Variants in PCDH15 observed in about 807,000 individuals in gnomAD.
PCDH15 encodes the protein protocadherin related 15, also known as protocadherin-15.
A neutral mutation model predicts 178.5 loss-of-function variants in PCDH15; 129 were observed. The observed-to-expected ratio is 0.72, with a 90% confidence interval of 0.63 to 0.84. The LOEUF is 0.84. Ranked by LOEUF, PCDH15 falls within the 40% of genes least tolerant of loss-of-function variation. PCDH15 has a pLI of 0.00. For synonymous variants in PCDH15, 800 were observed against 732.0 expected (o/e 1.09, Z -1.50); for missense variants, 2,230 against 2,099.9 (o/e 1.06, Z -1.21).
chr10:53,959,334 A>G (rs1360160352), intron 23 of PCDH15, among the ~76,000 whole-genome samples: 1 of 151,314 alleles, frequency 6.6e-6, no homozygotes, highest in Non-Finnish European at 1.5e-5. Context: ...ACACATACAC[A>G]CTGATTAGAT....
chr10:54,421,692 A>ATATATATATATATATG (rs1955378383), intron 3 of PCDH15, among the ~76,000 whole-genome samples: 3 of 113,662 alleles, frequency 2.6e-5, no homozygotes, highest in Non-Finnish European at 4.9e-5. Flanking sequence ...ATATATATAT[A>ATATATATATATATATG]TACACACACA....
chr10:55,456,733 G>C (rs1317609012), intron 2 of PCDH15, among the ~76,000 whole-genome samples: 2 of 151,894 alleles, frequency 1.3e-5, no homozygotes, highest in Non-Finnish European at 2.9e-5. Flanking sequence ...GCCAATGAGA[G>C]TCTAAATTGA....
intron 1 of PCDH15, among the ~76,000 whole-genome samples, chr10:55,217,010 T>C (rs1840722701): frequency 6.6e-6 from 1 of 151,944 alleles, no homozygotes; most frequent in Non-Finnish European, 1.5e-5. Context: ...GTTTGGTATT[T>C]TGGCATATGA....
At chr10:54,974,665 T>C (rs1001458721) in intron 2 of PCDH15, among the ~76,000 whole-genome samples, 5 of 152,076 alleles carry the variant, frequency 3.3e-5, no homozygotes, top group African/African-American at 4.8e-5. Flanking sequence ...AAAATAAATA[T>C]ATATTTCCAT....
intron 15 of PCDH15, among the ~76,000 whole-genome samples, chr10:54,116,429 C>T (rs1277807077): frequency 1.3e-5 from 2 of 151,986 alleles, no homozygotes; most frequent in Non-Finnish European, 2.9e-5. Context: ...TTTACGGGAC[C>T]AAGAGAAATT....
chr10:54,641,795 A>G lies in PCDH15; in HGVS notation c.91+22377T>C, dbSNP rs115974561. Among the ~76,000 whole-genome samples, 565 of 152,228 alleles carry G rather than the reference A, an allele frequency of 3.7e-3. 2 individuals carry two copies. Among genetic ancestry groups the G allele is most frequent in the African/African-American group, 0.012 (519 of 41,534 alleles). On this transcript the variant is annotated intron_variant, in intron 2 of 37. Coordinates refer to ENST00000644397, the MANE Select transcript of PCDH15 (RefSeq NM_001384140.1). The stretch of plus-strand genomic sequence containing the variant: ...TACACAAATCCACTCTCTTCACTAT[A>G]GCGAGTGATCTGTTTTAGAATAAAT...
intron 13 of PCDH15, among the ~76,000 whole-genome samples, chr10:54,164,863 A>T (rs1346031559): frequency 6.6e-6 from 1 of 152,170 alleles, no homozygotes; most frequent in Non-Finnish European, 1.5e-5. Flanking sequence ...TAGAAGCTAT[A>T]TTGTTGCCTG....
chr10:55,199,073 G>A (rs942279976), intron 1 of PCDH15, among the ~76,000 whole-genome samples: 1 of 152,114 alleles, frequency 6.6e-6, no homozygotes, highest in Admixed American at 6.5e-5. Context: ...AAAGGTGGAA[G>A]CAACTTTTGG....
intron 6 of PCDH15, among the ~76,000 whole-genome samples, chr10:54,333,534 G>A: frequency 6.9e-6 from 1 of 145,612 alleles, no homozygotes; most frequent in East Asian, 2.0e-4. Flanking sequence ...TTGCTTTAAT[G>A]ATATTTCTGA....
chr10:54,457,940 AT>A (rs1213347751), intron 3 of PCDH15, among the ~76,000 whole-genome samples: 1 of 152,138 alleles, frequency 6.6e-6, no homozygotes, highest in Non-Finnish European at 1.5e-5. Flanking sequence ...TGTATATGGG[AT>A]GTTGTTTCCA....
At chr10:54,631,235 C>T (rs537418521) in intron 2 of PCDH15, among the ~76,000 whole-genome samples, 1 of 152,192 alleles carries the variant, frequency 6.6e-6, no homozygotes, top group African/African-American at 2.4e-5. Context: ...CACTCTGCCA[C>T]GTGAGAGCCT....
chr10:55,144,011 A>AT (rs1838426136), intron 2 of PCDH15, among the ~76,000 whole-genome samples: 1 of 26,840 alleles, frequency 3.7e-5, no homozygotes, highest in Admixed American at 3.6e-4. Context: ...TCTTGGGTGT[A>AT]AGGGGAAAAA....
chr10:54,217,897 T>G (rs1254607668), intron 9 of PCDH15, among the ~76,000 whole-genome samples: 1 of 152,206 alleles, frequency 6.6e-6, no homozygotes, highest in East Asian at 1.9e-4. Context: ...TGAAAAGTTT[T>G]CAAGAGCCAA....
intron 1 of PCDH15, among the ~76,000 whole-genome samples, chr10:55,238,565 C>G (rs1234368478): frequency 2.0e-5 from 3 of 152,032 alleles, no homozygotes; most frequent in African/African-American, 4.8e-5. Context: ...AAACAATTGA[C>G]CTTGAATCAA....
intron 3 of PCDH15, among the ~76,000 whole-genome samples, chr10:54,468,171 AT>A (rs1023112546): frequency 6.6e-6 from 1 of 151,398 alleles, no homozygotes; most frequent in Non-Finnish European, 1.5e-5. Context: ...TTCCACTTTG[AT>A]TTTTTATTAT....
At chr10:53,825,122 T>C in intron 32 of PCDH15, 1 of 1,539,278 alleles carries the variant, frequency 6.5e-7, no homozygotes, top group South Asian at 1.2e-5. Context: ...ATTAGAGTGA[T>C]ATTATTTACT....
chr10:54,784,931 T>C (rs952893092), intron 1 of PCDH15, among the ~76,000 whole-genome samples: 6 of 151,966 alleles, frequency 3.9e-5, no homozygotes, highest in Non-Finnish European at 5.9e-5. Context: ...CCAACCCCCA[T>C]CGCATACTGA....
intron 15 of PCDH15, among the ~76,000 whole-genome samples, chr10:54,116,254 A>T (rs1405465254): frequency 7.1e-6 from 1 of 141,558 alleles, no homozygotes; most frequent in Non-Finnish European, 1.5e-5. Flanking sequence ...AAAAAAAAAA[A>T]GCCATTTGAG....
At chr10:54,656,605 A>G (rs2094410966) in intron 2 of PCDH15, among the ~76,000 whole-genome samples, 1 of 152,112 alleles carries the variant, frequency 6.6e-6, no homozygotes, top group Non-Finnish European at 1.5e-5. Flanking sequence ...TCATTGAGTC[A>G]CCACATCACA....
Sources: allele counts gnomAD v4.1 joint callset (sites outside exome capture counted in the v4.1 genomes callset), GRCh38; gene constraint gnomAD v4.1.1; transcripts MANE v1.5; gene names NCBI Gene and HGNC (gene_info 2026-07-23, HGNC 2026-07-21).